RIMS2: variants seen among roughly 807,000 people sequenced by gnomAD.
The protein encoded by RIMS2 is regulating synaptic membrane exocytosis protein 2.
RIMS2 carries 59 observed loss-of-function variants against 174.4 expected under a neutral mutation model. That is an observed-to-expected ratio of 0.34 (90% CI 0.27 to 0.42). The LOEUF is 0.42. Ranked by LOEUF, RIMS2 falls within the 10% of genes least tolerant of loss-of-function variation. The pLI is 1.00. For synonymous variants in RIMS2, 606 were observed against 572.5 expected (o/e 1.06, Z -0.84); for missense variants, 1,620 against 1,666.3 (o/e 0.97, Z 0.48).
intron 19 of RIMS2, among the ~76,000 whole-genome samples, chr8:104,095,396 G>A (rs575090977): frequency 2.0e-5 from 3 of 152,202 alleles, no homozygotes; most frequent in African/African-American, 7.2e-5. Flanking sequence ...GGCAAGTGTT[G>A]GTTATGCCTT....
At chr8:103,896,020 AC>A (rs1332621975) in intron 4 of RIMS2, among the ~76,000 whole-genome samples, 2 of 151,650 alleles carry the variant, frequency 1.3e-5, no homozygotes, top group Admixed American at 1.3e-4. Flanking sequence ...TTTACTTTCT[AC>A]CGTGCTCTCT....
At chr8:103,941,842 G>A (rs2082617711) in intron 13 of RIMS2, among the ~76,000 whole-genome samples, 1 of 152,204 alleles carries the variant, frequency 6.6e-6, no homozygotes, top group East Asian at 1.9e-4. Context: ...AAGCTGGTGT[G>A]ACCTTAGACA....
rs1236576932 is a variant in RIMS2, at chr8:103,791,411, C to T, written c.698+24874C>T. Among the ~76,000 whole-genome samples, 4 of 152,136 alleles carry T rather than the reference C, an allele frequency of 2.6e-5. No homozygotes were observed. In the East Asian group the frequency reaches 7.7e-4, roughly 29 times the overall value. ...CACCAGGCCTGCCTTACAAGAGCTC[C>T]TGAAGGAAGCACTAAACATGAAAAG... On this transcript the variant is annotated intron_variant, in intron 3 of 23. Coordinates refer to ENST00000504942, the Ensembl canonical transcript of RIMS2.
At chr8:104,204,788 A>G (rs546831672) in intron 19 of RIMS2, among the ~76,000 whole-genome samples, 4 of 152,324 alleles carry the variant, frequency 2.6e-5, no homozygotes, top group African/African-American at 9.6e-5. Context: ...GAAATTAACC[A>G]GCTCCAGATT....
intron 15 of RIMS2, among the ~76,000 whole-genome samples, chr8:103,970,305 T>G (rs1481713941): frequency 6.6e-6 from 1 of 152,132 alleles, no homozygotes; most frequent in African/African-American, 2.4e-5. Context: ...CTTTCTCCTG[T>G]GTGGAAAGCT....
intron 19 of RIMS2, among the ~76,000 whole-genome samples, chr8:104,117,590 C>T (rs1330869147): frequency 6.6e-6 from 1 of 152,144 alleles, no homozygotes; most frequent in African/African-American, 2.4e-5. Context: ...ATCCCCCCTT[C>T]CTGGGCCTCC....
chr8:103,922,633 TA>T lies in RIMS2; in HGVS notation c.2196+857del, dbSNP rs910105728. 106 of 399,234 alleles carry T rather than the reference TA, an allele frequency of 2.7e-4. 1 individual carries two copies. Among genetic ancestry groups the T allele is most frequent in the Middle Eastern group, 8.3e-4 (1 of 1,198 alleles). 24.7% of individuals were successfully genotyped at this position (399,234 alleles called of 1,614,324 possible). On this transcript the variant is annotated intron_variant, in intron 10 of 23. Coordinates refer to ENST00000504942, the Ensembl canonical transcript of RIMS2. Reference sequence around the variant, plus strand: ...AAAATTCAGACCTTGAATTTTGGATTAAAAAAAAGTTACAGTTAAAAACTAA... The same window carrying T: ...AAAATTCAGACCTTGAATTTTGGATTAAAAAAAGTTACAGTTAAAAACTAA...
At chr8:103,742,993 A>T (rs2097775574) in intron 2 of RIMS2, among the ~76,000 whole-genome samples, 1 of 152,186 alleles carries the variant, frequency 6.6e-6, no homozygotes, top group Admixed American at 6.5e-5. Flanking sequence ...TTAAGGTCTG[A>T]TCTACATTAT....
chr8:103,819,514 T>C (rs1283029362), intron 3 of RIMS2: 2 of 1,612,888 alleles, frequency 1.2e-6, no homozygotes, highest in Non-Finnish European at 8.5e-7. Flanking sequence ...GAAAATGCAA[T>C]TTGAGACATT....
At chr8:103,898,362 G>C (rs2099303639) in intron 4 of RIMS2, among the ~76,000 whole-genome samples, 1 of 151,524 alleles carries the variant, frequency 6.6e-6, no homozygotes, top group Non-Finnish European at 1.5e-5. Context: ...CCATCCCAGG[G>C]GTATGTGATA....
intron 2 of RIMS2, among the ~76,000 whole-genome samples, chr8:103,758,079 TC>T (rs954995477): frequency 1.3e-5 from 2 of 152,188 alleles, no homozygotes; most frequent in Non-Finnish European, 2.9e-5. Flanking sequence ...TTTCCATTTT[TC>T]CCCCTTCTGT....
chr8:104,059,774 C>A (rs1354731726), intron 19 of RIMS2, among the ~76,000 whole-genome samples: 1 of 151,932 alleles, frequency 6.6e-6, no homozygotes, highest in Non-Finnish European at 1.5e-5. Flanking sequence ...GAGTTTTTAG[C>A]ATGAAGGGTT....
At chr8:103,991,135 T>C (rs1158465644) in intron 17 of RIMS2, among the ~76,000 whole-genome samples, 2 of 151,678 alleles carry the variant, frequency 1.3e-5, no homozygotes, top group Admixed American at 1.3e-4. Flanking sequence ...CATCATTATA[T>C]TTTTATTTTT....
chr8:103,564,357 T>C (rs1170072504), intron 1 of RIMS2, among the ~76,000 whole-genome samples: 1 of 152,150 alleles, frequency 6.6e-6, no homozygotes, highest in Non-Finnish European at 1.5e-5. Flanking sequence ...TAGGGTTCTC[T>C]AGAGGAACAG....
chr8:103,687,172 G>T (rs1006278692), intron 1 of RIMS2, among the ~76,000 whole-genome samples: 11 of 152,052 alleles, frequency 7.2e-5, no homozygotes, highest in African/African-American at 2.7e-4. Context: ...GGTGAATGAG[G>T]TATGCTAGCT....
chr8:103,896,740 GGCACCTTA>G (rs2099280130), intron 4 of RIMS2, among the ~76,000 whole-genome samples: 2 of 151,502 alleles, frequency 1.3e-5, no homozygotes, highest in African/African-American at 4.9e-5. Flanking sequence ...TTGCACATCT[GGCACCTTA>G]GCAGGGATGA....
At chr8:103,930,223 A>G (rs2079636461) in intron 11 of RIMS2, among the ~76,000 whole-genome samples, 1 of 151,872 alleles carries the variant, frequency 6.6e-6, no homozygotes, top group African/African-American at 2.4e-5. Flanking sequence ...TTGGGCTGTC[A>G]GTTTACCTTT....
chr8:104,131,213 T>C (rs1399573580), intron 19 of RIMS2, among the ~76,000 whole-genome samples: 1 of 152,200 alleles, frequency 6.6e-6, no homozygotes, highest in Non-Finnish European at 1.5e-5. Flanking sequence ...CCAGCATAGA[T>C]TATTATGTAA....
intron 1 of RIMS2, among the ~76,000 whole-genome samples, chr8:103,592,748 T>A (rs1027492721): frequency 2.0e-5 from 3 of 151,420 alleles, no homozygotes; most frequent in Non-Finnish European, 4.4e-5. Flanking sequence ...AGCATTAAAC[T>A]TTTTTTAGTA....
Sources: allele counts gnomAD v4.1 joint callset (sites outside exome capture counted in the v4.1 genomes callset), GRCh38; gene constraint gnomAD v4.1.1; transcripts MANE v1.5; gene names NCBI Gene and HGNC (gene_info 2026-07-23, HGNC 2026-07-21).